The following COL24A1 variants were observed in gnomAD, a reference collection of about 807,000 sequenced individuals.
The protein encoded by COL24A1 is collagen alpha-1(XXIV) chain.
COL24A1 carries 224 observed loss-of-function variants against 253.9 expected under a neutral mutation model. The observed-to-expected ratio is 0.88, with a 90% CI of 0.79 to 0.99. The LOEUF is 0.99. Among genes scored for constraint, COL24A1 ranks in the 50% least tolerant of loss-of-function variants. The probability of loss-of-function intolerance (pLI) is 0.00; values close to 1 mark genes in which losing one functional copy is unlikely to be tolerated. For synonymous variants in COL24A1, 685 were observed against 673.7 expected (o/e 1.02, Z -0.26); for missense variants, 2,131 against 2,068.5 (o/e 1.03, Z -0.59).
intron 6 of COL24A1, among the ~76,000 whole-genome samples, chr1:86,090,513 G>A (rs987315484): frequency 6.6e-6 from 1 of 152,128 alleles, no homozygotes; most frequent in Non-Finnish European, 1.5e-5. Context: ...TTTCACCATT[G>A]ACCATACATT....
At chr1:86,005,206 C>G (rs1486439603) in intron 19 of COL24A1, among the ~76,000 whole-genome samples, 1 of 152,052 alleles carries the variant, frequency 6.6e-6, no homozygotes, top group African/African-American at 2.4e-5. Context: ...AGTTAAGATA[C>G]AGCAAATCTA....
At chr1:86,047,655 T>G (rs1284876096) in intron 11 of COL24A1, among the ~76,000 whole-genome samples, 1 of 152,022 alleles carries the variant, frequency 6.6e-6, no homozygotes, top group Non-Finnish European at 1.5e-5. Flanking sequence ...TATATACATA[T>G]ATAAATAAAG....
At chr1:85,889,868 C>T (rs986696396) in intron 31 of COL24A1, among the ~76,000 whole-genome samples, 1 of 151,960 alleles carries the variant, frequency 6.6e-6, no homozygotes, top group Non-Finnish European at 1.5e-5. Context: ...TTCATCTTCC[C>T]AAACTGAAAC....
At chr1:85,945,300 T>A (rs1482731374) in intron 24 of COL24A1, among the ~76,000 whole-genome samples, 1 of 151,738 alleles carries the variant, frequency 6.6e-6, no homozygotes, top group African/African-American at 2.4e-5. Flanking sequence ...ATTACAGGTG[T>A]GAGCCACTGC....
intron 10 of COL24A1, among the ~76,000 whole-genome samples, chr1:86,056,316 G>GA (rs932730194): frequency 1.8e-4 from 28 of 152,126 alleles, no homozygotes; most frequent in African/African-American, 6.8e-4. Flanking sequence ...GGCTAAAGGT[G>GA]AAAAGACATT....
intron 43 of COL24A1, among the ~76,000 whole-genome samples, chr1:85,834,038 G>C (rs540728022): frequency 2.0e-5 from 3 of 151,728 alleles, no homozygotes; most frequent in Non-Finnish European, 4.4e-5. Flanking sequence ...AATGGGTGCA[G>C]CACACCAGCA....
chr1:85,816,076 A>T (rs1673014274), intron 47 of COL24A1, among the ~76,000 whole-genome samples: 1 of 152,154 alleles, frequency 6.6e-6, no homozygotes, highest in Non-Finnish European at 1.5e-5. Context: ...ACCAAGGCTG[A>T]TTTGGCTACT....
intron 58 of COL24A1, chr1:85,736,139 A>G (rs1270726372): frequency 1.2e-5 from 4 of 336,382 alleles, no homozygotes; most frequent in Non-Finnish European, 1.8e-5. Context: ...TGACAAATGT[A>G]ATTTACCTAG....
At chr1:86,097,518 TCCTCCCTCCTCCCTCCTCCTC>T (rs1704046237) in intron 5 of COL24A1, among the ~76,000 whole-genome samples, 1 of 3,560 alleles carries the variant, frequency 2.8e-4, no homozygotes, top group Non-Finnish European at 6.2e-4. Flanking sequence ...TCCTCCCTCC[TCCTCCCTCCTCCCTCCTCCTC>T]CCTCCTCCCT....
At chr1:85,988,430 G>T (rs1211237445) in intron 19 of COL24A1, among the ~76,000 whole-genome samples, 1 of 151,940 alleles carries the variant, frequency 6.6e-6, no homozygotes, top group Non-Finnish European at 1.5e-5. Context: ...GCTGGGAAAA[G>T]GCCTAGAATG....
intron 35 of COL24A1, among the ~76,000 whole-genome samples, 184 bp downstream of exon 35, chr1:85,874,465 T>A (rs1347776295): frequency 2.6e-5 from 4 of 152,244 alleles, no homozygotes. Context: ...CTGTAAATAC[T>A]ACTAAATTAG....
intron 37 of COL24A1, among the ~76,000 whole-genome samples, chr1:85,866,611 T>C (rs1679825185): frequency 6.6e-6 from 1 of 151,814 alleles, no homozygotes; most frequent in African/African-American, 2.4e-5. Context: ...CCGTCTCTAC[T>C]AAAAATATAA....
intron 24 of COL24A1, among the ~76,000 whole-genome samples, chr1:85,952,246 T>C (rs1004420584): frequency 1.3e-5 from 2 of 152,244 alleles, no homozygotes; most frequent in African/African-American, 4.8e-5. Flanking sequence ...AGAAAAATGT[T>C]TCTAGTGAAC....
intron 31 of COL24A1, among the ~76,000 whole-genome samples, chr1:85,893,528 G>T (rs1683345184): frequency 6.6e-6 from 1 of 152,028 alleles, no homozygotes; most frequent in Non-Finnish European, 1.5e-5. Context: ...ATTATTTAGA[G>T]AACCTAAAAT....
intron 2 of COL24A1, among the ~76,000 whole-genome samples, chr1:86,129,130 T>TTACA (rs1273828944): frequency 6.6e-6 from 1 of 151,850 alleles, no homozygotes; most frequent in East Asian, 1.9e-4. Context: ...GTTAATTGAT[T>TTACA]TAGTCTAATT....
In COL24A1 at chr1:85,841,760, T is replaced by C. The variant is rs560321989; in HGVS notation, c.3570+308A>G. On this transcript the variant is annotated intron_variant, in intron 41 of 59. Transcript: ENST00000370571. Reference sequence around the variant, plus strand: ...CCCAAAGACTTTAATATAAATGTACTATAATTAATCATTTAATCTAGAGCC... The same window carrying C: ...CCCAAAGACTTTAATATAAATGTACCATAATTAATCATTTAATCTAGAGCC... Among the ~76,000 whole-genome samples, 5 of 152,286 alleles carry C rather than the reference T, an allele frequency of 3.3e-5. No individual in the cohort carries two copies. In the East Asian group the frequency reaches 9.6e-4, roughly 29 times the overall value.
intron 2 of COL24A1, among the ~76,000 whole-genome samples, chr1:86,134,275 T>C (rs1464444960): frequency 6.6e-6 from 1 of 150,710 alleles, no homozygotes; most frequent in Non-Finnish European, 1.5e-5. Context: ...GGTTTATCAA[T>C]TTTGTTGATC....
In COL24A1 at chr1:85,908,641, C is replaced by T. The variant is rs774123402; in HGVS notation, c.2681G>A (p.Gly894Asp). 2 of 1,412,866 alleles carry T rather than the reference C, an allele frequency of 1.4e-6. No individual in the cohort carries two copies. The highest frequency in any genetic ancestry group is 1.9e-6 in the Non-Finnish European group (2 of 1,057,530). The allele number at this position is 1,412,866 out of a possible 1,614,324, so 87.5% of individuals were successfully genotyped here. Residue 894 changes from glycine (G) to aspartate (D), a missense_variant, in exon 27 of 60, where the codon GGT (glycine) becomes GAT (aspartate). Coordinates refer to ENST00000370571, the MANE Select transcript of COL24A1 (RefSeq NM_152890.7). ...GATAGGTCCTGGAACCCCAGGAGGA[C>T]CTGGATATCCCTATAATTTAAGGAA... ...QGEKGVMGYP[G>D]PPGVPGPIGP...
intron 53 of COL24A1, among the ~76,000 whole-genome samples, chr1:85,770,483 C>T (rs983096709): frequency 2.0e-5 from 3 of 151,624 alleles, no homozygotes; most frequent in African/African-American, 7.3e-5. Context: ...GCATGGATCA[C>T]ATGCTAAGTG....
Sources: allele counts gnomAD v4.1 joint callset (sites outside exome capture counted in the v4.1 genomes callset), GRCh38; gene constraint gnomAD v4.1.1; transcripts MANE v1.5; gene names NCBI Gene and HGNC (gene_info 2026-07-23, HGNC 2026-07-21).